The following MARCHF8 variants were observed in gnomAD, a reference collection of about 807,000 sequenced individuals.
MARCHF8 encodes the protein membrane associated ring-CH-type finger 8.
MARCHF8 carries 40 observed loss-of-function variants against 51.6 expected under a neutral mutation model. The ratio of observed to expected loss-of-function variants is 0.77; its 90% CI spans 0.60 to 1.01. MARCHF8 has a LOEUF of 1.01. Ranked by LOEUF, MARCHF8 falls within the 50% of genes least tolerant of loss-of-function variation. MARCHF8 has a pLI of 0.00. For synonymous variants in MARCHF8, 263 were observed against 280.3 expected, an observed-to-expected ratio of 0.94 and a Z score of 0.62; for missense variants, 685 against 708.6, an observed-to-expected ratio of 0.97 and a Z score of 0.38.
At chr10:45,516,072 C>G (rs2043612923) in intron 2 of MARCHF8, among the ~76,000 whole-genome samples, 1 of 152,200 alleles carries the variant, frequency 6.6e-6, no homozygotes, top group Non-Finnish European at 1.5e-5. Context: ...TACCCCATCC[C>G]ATGAATGAGA....
intron 2 of MARCHF8, among the ~76,000 whole-genome samples, chr10:45,503,985 G>A (rs988136963): frequency 1.3e-5 from 2 of 152,174 alleles, no homozygotes; most frequent in African/African-American, 2.4e-5. Flanking sequence ...GGAGAATGGG[G>A]AGTGACTGCT....
At chr10:45,556,681 A>G (rs1256213563) in intron 1 of MARCHF8, among the ~76,000 whole-genome samples, 1 of 152,246 alleles carries the variant, frequency 6.6e-6, no homozygotes, top group African/African-American at 2.4e-5. Context: ...CAAAAGAGGC[A>G]TCTGGGGGTC....
intron 1 of MARCHF8, among the ~76,000 whole-genome samples, chr10:45,574,083 C>T (rs1436470400): frequency 7.0e-5 from 1 of 14,310 alleles, no homozygotes; most frequent in Non-Finnish European, 1.7e-4. Flanking sequence ...CTTGTATCTC[C>T]CCACCTTAAA....
chr10:45,561,900 CAAAAA>C (rs34329041), intron 1 of MARCHF8, among the ~76,000 whole-genome samples: 2 of 41,534 alleles, frequency 4.8e-5, no homozygotes, highest in Admixed American at 2.6e-4. Context: ...GACTCCGTCT[CAAAAA>C]AAAAAAAAAA....
At position 45,454,990 on chromosome 10, in the gene MARCHF8, CAG is replaced by C. The variant is rs1244336389; in HGVS notation, c.*3247_*3248del. 3.3e-5 allele frequency: 5 copies of C among 152,356 alleles called. No individual in the cohort carries two copies. The highest frequency in any genetic ancestry group is 9.6e-5 in the African/African-American group (4 of 41,588). The allele number at this position is 152,356 out of a possible 1,614,324, so 9.4% of individuals were successfully genotyped here. A position where few individuals can be genotyped will look rare whatever the true frequency, so the allele number is the denominator to read the frequency against. On this transcript the variant is annotated 3_prime_UTR_variant, in exon 8 of 8. Transcript: ENST00000453424. The stretch of plus-strand genomic sequence containing the variant: ...ATTCAAAAGGGAAAGCACTTCAAAA[CAG>C]AAAGTACTTCAATTGTGTATTTGCC...
At chr10:45,461,438 C>T in intron 5 of MARCHF8, 27 bp from the exon 6 acceptor site, 1 of 1,503,784 alleles carries the variant, frequency 6.6e-7, no homozygotes, top group South Asian at 1.3e-5. Context: ...ACCTGTCATT[C>T]CAAGGACAGT....
chr10:45,540,669 G>T (rs1408418023), intron 1 of MARCHF8, among the ~76,000 whole-genome samples: 9 of 152,150 alleles, frequency 5.9e-5, no homozygotes, highest in Admixed American at 2.6e-4. Context: ...AATCTACTCA[G>T]CTGACAAAGG....
At chr10:45,540,999 A>G (rs1015034188) in intron 1 of MARCHF8, among the ~76,000 whole-genome samples, 3 of 152,190 alleles carry the variant, frequency 2.0e-5, no homozygotes, top group Non-Finnish European at 4.4e-5. Flanking sequence ...ACCATTGTGG[A>G]AGTCAGTGTG....
At chr10:45,593,769 G>C (rs2044706765) in intron 1 of MARCHF8, 1 of 152,190 alleles carries the variant, frequency 6.6e-6, no homozygotes, top group African/African-American at 2.4e-5. Flanking sequence ...GGTATGTGAG[G>C]GTTATGCTAG....
At chr10:45,507,997 A>G (rs1051249131) in intron 2 of MARCHF8, among the ~76,000 whole-genome samples, 1 of 152,142 alleles carries the variant, frequency 6.6e-6, no homozygotes, top group African/African-American at 2.4e-5. Context: ...TGTTTTACCA[A>G]AATAGTTTTC....
intron 3 of MARCHF8, among the ~76,000 whole-genome samples, chr10:45,475,736 G>T (rs1564472385): frequency 6.6e-6 from 1 of 152,000 alleles, no homozygotes; most frequent in Non-Finnish European, 1.5e-5. Flanking sequence ...GCCACTACCA[G>T]CGTTTGAGCA....
At chr10:45,576,747 C>T (rs564106629) in intron 1 of MARCHF8, among the ~76,000 whole-genome samples, 2 of 149,214 alleles carry the variant, frequency 1.3e-5, no homozygotes, top group Admixed American at 1.3e-4. Context: ...CACAGTGAGG[C>T]TTCATCTCTA....
At chr10:45,518,515 C>T (rs1187925858) in intron 2 of MARCHF8, among the ~76,000 whole-genome samples, 1 of 152,210 alleles carries the variant, frequency 6.6e-6, no homozygotes, top group East Asian at 1.9e-4. Flanking sequence ...GACTACTGCT[C>T]TAAAGACTCT....
chr10:45,518,399 C>A (rs1009584957), intron 2 of MARCHF8, among the ~76,000 whole-genome samples: 2 of 152,166 alleles, frequency 1.3e-5, no homozygotes, highest in African/African-American at 4.8e-5. Flanking sequence ...ACAACCAAGA[C>A]CTCAGAACTC....
chr10:45,588,783 G>C (rs1324703614), intron 1 of MARCHF8, among the ~76,000 whole-genome samples: 2 of 152,030 alleles, frequency 1.3e-5, no homozygotes, highest in African/African-American at 4.8e-5. Context: ...TGGATCACGA[G>C]GTCAAGAGAT....
intron 1 of MARCHF8, among the ~76,000 whole-genome samples, chr10:45,543,910 G>A (rs1204948917): frequency 1.4e-5 from 2 of 146,890 alleles, no homozygotes; most frequent in African/African-American, 5.0e-5. Flanking sequence ...TTTCATCAAA[G>A]AAAATATATG....
chr10:45,503,956 A>G lies in MARCHF8; in HGVS notation c.103-14539T>C, dbSNP rs369904327. ...AAAGACAAAAAGTAAATTCGCAGTT[A>G]CCAAGGATTGTGGGGATGGGAGAAT... On this transcript the variant is annotated intron_variant, in intron 2 of 7. Transcript: ENST00000453424. 2.0e-5 allele frequency among the ~76,000 whole-genome samples: 3 copies of G among 152,228 alleles called. No homozygotes were observed. In the East Asian group the frequency reaches 5.8e-4, roughly 29 times the overall value.
intron 2 of MARCHF8, among the ~76,000 whole-genome samples, chr10:45,510,086 A>G (rs1298040805): frequency 2.6e-5 from 4 of 152,152 alleles, no homozygotes; most frequent in Non-Finnish European, 5.9e-5. Context: ...ATTTTTAAAC[A>G]AATTCTAACA....
At chr10:45,528,689 A>G (rs1459526600) in intron 2 of MARCHF8, among the ~76,000 whole-genome samples, 1 of 152,186 alleles carries the variant, frequency 6.6e-6, no homozygotes, top group Non-Finnish European at 1.5e-5. Context: ...TGATATAATC[A>G]AGCTGAGAAC....
Sources: gnomAD v4.1 joint callset for allele counts (sites outside exome capture counted in the v4.1 genomes callset) on GRCh38, gnomAD v4.1.1 for gene constraint, MANE v1.5 for transcripts, NCBI Gene and HGNC (gene_info 2026-07-23, HGNC 2026-07-21) for gene names.